Variants in SLC9A9 observed in about 807,000 individuals in gnomAD.
SLC9A9 encodes the protein solute carrier family 9 member A9.
In SLC9A9, 62 loss-of-function variants were observed where a neutral mutation model predicts 77.8. The ratio of observed to expected loss-of-function variants is 0.80; its 90% CI spans 0.65 to 0.98. SLC9A9 has a LOEUF of 0.98. SLC9A9 is among the 50% of genes least tolerant of loss of function. The pLI is 0.00. For synonymous variants in SLC9A9, 320 were observed against 283.5 expected, an observed-to-expected ratio of 1.13 and a Z score of -1.29; for missense variants, 775 against 774.9, an observed-to-expected ratio of 1.00 and a Z score of 0.00.
At chr3:143,611,742 C>T (rs1320360831) in intron 6 of SLC9A9, among the ~76,000 whole-genome samples, 1 of 151,868 alleles carries the variant, frequency 6.6e-6, no homozygotes, top group African/African-American at 2.4e-5. Context: ...GAAAGAACCC[C>T]CTTATTTTTG....
chr3:143,665,317 C>G (rs1308980241), intron 5 of SLC9A9, among the ~76,000 whole-genome samples: 1 of 152,210 alleles, frequency 6.6e-6, no homozygotes, highest in Non-Finnish European at 1.5e-5. Flanking sequence ...ACCAGAATCT[C>G]TGGGACACAT....
At chr3:143,389,936 T>C (rs1280118970) in intron 12 of SLC9A9, among the ~76,000 whole-genome samples, 1 of 152,186 alleles carries the variant, frequency 6.6e-6, no homozygotes, top group East Asian at 1.9e-4. Flanking sequence ...TGTAAGCCCC[T>C]CCATGGGAGA....
intron 8 of SLC9A9, among the ~76,000 whole-genome samples, chr3:143,571,356 A>T (rs2108655427): frequency 6.6e-6 from 1 of 152,292 alleles, no homozygotes. Flanking sequence ...GATTTGTATC[A>T]TATTAGTTTA....
chr3:143,734,643 G>T (rs1475352105), intron 4 of SLC9A9, among the ~76,000 whole-genome samples: 1 of 150,846 alleles, frequency 6.6e-6, no homozygotes, highest in Non-Finnish European at 1.5e-5. Flanking sequence ...CTGAGGCAGG[G>T]GAATCACTTG....
intron 12 of SLC9A9, among the ~76,000 whole-genome samples, chr3:143,386,410 TG>T (rs527532248): frequency 4.5e-4 from 68 of 152,316 alleles, no homozygotes; most frequent in Non-Finnish European, 8.8e-4. Context: ...CCAGACTACC[TG>T]GGTTGAAAAA....
At chr3:143,386,184 T>A (rs929547352) in intron 12 of SLC9A9, among the ~76,000 whole-genome samples, 5 of 152,208 alleles carry the variant, frequency 3.3e-5, no homozygotes, top group Admixed American at 6.5e-5. Flanking sequence ...CTCTGCTCTC[T>A]GCTCCCAAAT....
intron 6 of SLC9A9, among the ~76,000 whole-genome samples, chr3:143,637,255 A>G (rs1302647374): frequency 7.7e-6 from 1 of 129,304 alleles, no homozygotes; most frequent in Non-Finnish European, 1.8e-5. Flanking sequence ...TCAAGATATG[A>G]ATGAAAAATT....
chr3:143,314,009 G>C (rs2031117004), intron 14 of SLC9A9, among the ~76,000 whole-genome samples: 1 of 152,170 alleles, frequency 6.6e-6, no homozygotes, highest in African/African-American at 2.4e-5. Flanking sequence ...GGGGTGGAGA[G>C]GGAGTTCAGC....
At chr3:143,369,906 G>A (rs1217539737) in intron 13 of SLC9A9, among the ~76,000 whole-genome samples, 1 of 152,192 alleles carries the variant, frequency 6.6e-6, no homozygotes, top group Non-Finnish European at 1.5e-5. Context: ...AGATCCATGT[G>A]GAAAGGAATT....
chr3:143,652,317 G>A lies in SLC9A9; in HGVS notation c.693C>T (p.Asp231=). Residue 231 remains aspartate, a synonymous_variant, in exon 6 of 16, where the codon GAC becomes GAT. Transcript: ENST00000316549. Reference sequence around the variant, plus strand: ...TCTCTCCAAACAAGAGTGTGTACAGGTCAGGGTCGACGTGCAGTTCATGGA... The same window carrying A: ...TCTCTCCAAACAAGAGTGTGTACAGATCAGGGTCGACGTGCAGTTCATGGA... The part of the protein sequence containing the change: ...AIFHELHVDP[D]LYTLLFGESV... The A allele has an allele frequency of 6.2e-7, 1 of 1,613,358 alleles. No individual in the cohort carries two copies. The highest frequency in any genetic ancestry group is 8.5e-7 in the Non-Finnish European group (1 of 1,179,710).
intron 14 of SLC9A9, among the ~76,000 whole-genome samples, chr3:143,320,599 T>C (rs1284621730): frequency 6.6e-6 from 1 of 152,130 alleles, no homozygotes; most frequent in East Asian, 1.9e-4. Context: ...CCAGATCGCA[T>C]GTGAACTACC....
At chr3:143,372,213 A>G (rs1333980616) in intron 13 of SLC9A9, among the ~76,000 whole-genome samples, 1 of 152,240 alleles carries the variant, frequency 6.6e-6, no homozygotes, top group East Asian at 1.9e-4. Flanking sequence ...AGAAAAAACA[A>G]TTCTAAAATT....
At position 143,538,060 on chromosome 3, in the gene SLC9A9, C is replaced by CTA. The variant is rs1307983302; in HGVS notation, c.1089+14300_1089+14301dup. Among the ~76,000 whole-genome samples, 5 of 152,220 alleles carry CTA rather than the reference C, an allele frequency of 3.3e-5. No individual in the cohort carries two copies. In the East Asian group the frequency reaches 5.8e-4, roughly 18 times the overall value. ...CTTAGGTCCATGAACATTCTGGAACCTATAATAAAGTGTTTTCTGCCTAGA... is the reference window on the plus strand; with the variant it reads ...CTTAGGTCCATGAACATTCTGGAACCTATATAATAAAGTGTTTTCTGCCTAGA... On this transcript the variant is annotated intron_variant, in intron 9 of 15. Transcript: ENST00000316549.
chr3:143,590,745 G>C (rs890645176), intron 6 of SLC9A9, among the ~76,000 whole-genome samples: 1 of 152,180 alleles, frequency 6.6e-6, no homozygotes, highest in Non-Finnish European at 1.5e-5. Context: ...TGTGAACAGA[G>C]GGTGTTTAAT....
At chr3:143,821,967 T>A (rs1202253376) in intron 2 of SLC9A9, among the ~76,000 whole-genome samples, 2 of 152,210 alleles carry the variant, frequency 1.3e-5, no homozygotes, top group Non-Finnish European at 2.9e-5. Context: ...GGCTGTGTTG[T>A]CCTTGCTGCA....
At chr3:143,443,870 A>G (rs2034795953) in intron 12 of SLC9A9, among the ~76,000 whole-genome samples, 1 of 150,710 alleles carries the variant, frequency 6.6e-6, no homozygotes, top group African/African-American at 2.5e-5. Flanking sequence ...AACAAATTCA[A>G]TAGACCCAGT....
intron 14 of SLC9A9, among the ~76,000 whole-genome samples, chr3:143,281,717 T>C (rs750683911): frequency 5.3e-5 from 8 of 152,246 alleles, no homozygotes; most frequent in Non-Finnish European, 1.2e-4. Context: ...TCAATAGGCC[T>C]ATGTGCCTTG....
chr3:143,812,834 A>G (rs1442260251), intron 2 of SLC9A9, among the ~76,000 whole-genome samples: 1 of 152,228 alleles, frequency 6.6e-6, no homozygotes, highest in Non-Finnish European at 1.5e-5. Context: ...TCATTGACCT[A>G]AAAAGCCACA....
intron 6 of SLC9A9, among the ~76,000 whole-genome samples, chr3:143,614,972 G>T (rs934420125): frequency 3.9e-5 from 6 of 151,966 alleles, no homozygotes; most frequent in African/African-American, 1.5e-4. Flanking sequence ...GAAGAAACGG[G>T]GTTCTTGGTA....
Sources: gnomAD v4.1 joint callset for allele counts (sites outside exome capture counted in the v4.1 genomes callset) on GRCh38, gnomAD v4.1.1 for gene constraint, MANE v1.5 for transcripts, NCBI Gene and HGNC (gene_info 2026-07-23, HGNC 2026-07-21) for gene names.